The following PRPF6 variants were observed in gnomAD, a reference collection of about 807,000 sequenced individuals.
The protein encoded by PRPF6 is pre-mRNA-processing factor 6.
PRPF6 carries 42 observed loss-of-function variants against 118.3 expected under a neutral mutation model. The ratio of observed to expected loss-of-function variants is 0.35; its 90% CI spans 0.28 to 0.46. The LOEUF (loss-of-function observed/expected upper bound fraction) is 0.46, where lower values mean the gene tolerates loss of function less well. PRPF6 is among the 20% of genes least tolerant of loss of function. PRPF6 has a pLI of 1.00. For missense variants in PRPF6, 662 were observed against 1,255.7 expected, an observed-to-expected ratio of 0.53 and a Z score of 7.15; for synonymous variants, 481 against 485.1, an observed-to-expected ratio of 0.99 and a Z score of 0.11.
At chr20:64,003,874 A>C (rs1376640259) in intron 9 of PRPF6, among the ~76,000 whole-genome samples, 1 of 152,192 alleles carries the variant, frequency 6.6e-6, no homozygotes, top group Non-Finnish European at 1.5e-5. Flanking sequence ...CTGGGATTAC[A>C]GGCGTGAGCC....
At position 64,026,950 on chromosome 20, in the gene PRPF6, G is replaced by A. The variant is rs1217443560; in HGVS notation, c.2029-32G>A. 6.2e-7 allele frequency: 1 copy of A among 1,613,080 alleles called. No homozygotes were observed. The highest frequency in any genetic ancestry group is 8.5e-7 in the Non-Finnish European group (1 of 1,179,580). ...ATGAAGCACGTACCCTGGAGCTGAT[G>A]CCCTGCGTGACAGTGCATGTCTGCC... On this transcript the variant is annotated intron_variant, in intron 15 of 20. Coordinates refer to ENST00000266079, the MANE Select transcript of PRPF6 (RefSeq NM_012469.4). This position sits in a 1 kb window ranked among gnomAD's most constrained non-coding sequence, Gnocchi z 4.4.
At chr20:63,988,353 C>G (rs901967986) in intron 3 of PRPF6, among the ~76,000 whole-genome samples, 1 of 149,568 alleles carries the variant, frequency 6.7e-6, no homozygotes, top group South Asian at 2.1e-4. Context: ...AAAAATTAGC[C>G]GGGTGTGGGG....
intron 1 of PRPF6, among the ~76,000 whole-genome samples, chr20:63,981,968 C>G (rs1008660296): frequency 2.0e-5 from 3 of 151,736 alleles, no homozygotes; most frequent in African/African-American, 7.3e-5. Context: ...GCTGTAGAAA[C>G]GGTGACGATA....
In PRPF6 at chr20:64,011,666, A is replaced by C. The variant is rs2059217752; in HGVS notation, c.1524+163A>C. Among the ~76,000 whole-genome samples, 1 of 152,250 alleles carries C rather than the reference A, an allele frequency of 6.6e-6. No individual in the cohort carries two copies. The highest frequency in any genetic ancestry group is 6.5e-5 in the Admixed American group (1 of 15,286). On this transcript the variant is annotated intron_variant, in intron 11 of 20. Coordinates refer to ENST00000266079, the MANE Select transcript of PRPF6 (RefSeq NM_012469.4). This position sits in a 1 kb window ranked among gnomAD's most constrained non-coding sequence, Gnocchi z 6.7. ...GGCCCTGAGGGACCTGGGCATGCCC[A>C]CTGTCGCTCTTGATGGATTCAGGCC... is the stretch of plus-strand genomic sequence containing the variant.
chr20:64,016,939 CTTTTT>C, intron 12 of PRPF6, 94 bp downstream of exon 12: 4 of 1,285,724 alleles, frequency 3.1e-6, no homozygotes, highest in Non-Finnish European at 3.2e-6. Flanking sequence ...TTTTAAAACT[CTTTTT>C]TTTTTTTTTT....
In PRPF6 at chr20:64,026,849, G is replaced by A. The variant is rs549356519; in HGVS notation, c.2029-133G>A. 1 of 922,916 alleles carries A rather than the reference G, an allele frequency of 1.1e-6. No homozygotes were observed. The highest frequency in any genetic ancestry group is 1.4e-5 in the South Asian group (1 of 70,326). The allele number at this position is 922,916 out of a possible 1,614,324, so 57.2% of individuals were successfully genotyped here. On this transcript the variant is annotated intron_variant, in intron 15 of 20. Transcript: ENST00000266079. This position sits in a 1 kb window ranked among gnomAD's most constrained non-coding sequence, Gnocchi z 4.4. ...ACATATATTTATCCCCACCTTTTGT[G>A]TACACAAACAGGCTATGAAAAGCTT...
intron 9 of PRPF6, 60 bp from the exon 10 acceptor site, chr20:64,010,140 A>T (rs888827231): frequency 7.1e-7 from 1 of 1,411,682 alleles, no homozygotes; most frequent in Non-Finnish European, 1.0e-6. Flanking sequence ...TGCTCACCAC[A>T]TGAGCCTCCT....
At chr20:63,983,410 A>C (rs1464483774) in intron 2 of PRPF6, among the ~76,000 whole-genome samples, 195 bp downstream of exon 2, 1 of 152,058 alleles carries the variant, frequency 6.6e-6, no homozygotes, top group Non-Finnish European at 1.5e-5. Context: ...TTTGTCCCTC[A>C]GAAGAGATGT....
intron 2 of PRPF6, 126 bp downstream of exon 2, chr20:63,983,341 A>T (rs1317769636): frequency 6.6e-6 from 8 of 1,209,434 alleles, no homozygotes; most frequent in Non-Finnish European, 8.5e-6. Flanking sequence ...TTAGCTATTC[A>T]TGGAACATCT....
At chr20:64,021,407 T>C (rs1444490277) in intron 12 of PRPF6, among the ~76,000 whole-genome samples, 1 of 150,990 alleles carries the variant, frequency 6.6e-6, no homozygotes, top group Non-Finnish European at 1.5e-5. Flanking sequence ...GCCCTGTGTC[T>C]GTGTGTGCGT....
chr20:63,981,382 G>A (rs1403715198), intron 1 of PRPF6, 66 bp downstream of exon 1: 7 of 1,466,196 alleles, frequency 4.8e-6, no homozygotes, highest in Non-Finnish European at 6.5e-6. Context: ...TTTGGGGCGT[G>A]TTTGGGGGCG....
chr20:64,028,456 C>A lies in PRPF6; in HGVS notation c.2340-22C>A, dbSNP rs756996405. On this transcript the variant is annotated intron_variant, in intron 17 of 20. Transcript: ENST00000266079. This position sits in a 1 kb window ranked among gnomAD's most constrained non-coding sequence, Gnocchi z 6.5. ...TGCTGTTGGTAGACGGCTGTGGGAC[C>A]TCCGGGGGCCTGTCTCCTCAGGTTG... 30 of 1,613,372 alleles carry A rather than the reference C, an allele frequency of 1.9e-5. No homozygotes were observed. The highest frequency in any genetic ancestry group is 2.3e-5 in the Non-Finnish European group (27 of 1,179,752).
chr20:64,017,232 C>G (rs910901834), intron 12 of PRPF6, among the ~76,000 whole-genome samples: 2 of 151,396 alleles, frequency 1.3e-5, no homozygotes, highest in Non-Finnish European at 2.9e-5. Flanking sequence ...CGTGAGCCAC[C>G]GCGCCCGGCC....
rs150810982 is a variant in PRPF6 at position 63,992,511 on chromosome 20, C to T, written c.360-896C>T. ...ACCTCAGGTGATCTGCCCACCTCGGCCTCCCAAAGCGTTGGGATTACAGGT... is the reference window on the plus strand; with the variant it reads ...ACCTCAGGTGATCTGCCCACCTCGGTCTCCCAAAGCGTTGGGATTACAGGT... On this transcript the variant is annotated intron_variant, in intron 3 of 20. Transcript: ENST00000266079. Among the ~76,000 whole-genome samples the T allele has an allele frequency of 3.0e-3, 464 of 152,278 alleles. 3 individuals carry two copies. The highest frequency in any genetic ancestry group is 0.01 in the African/African-American group (426 of 41,552).
chr20:64,010,382 T>C (rs1185446492), intron 10 of PRPF6, 64 bp downstream of exon 10: 9 of 1,279,252 alleles, frequency 7.0e-6, no homozygotes, highest in Admixed American at 5.0e-5. Context: ...CCAGGTTCAG[T>C]GTCTGGAAGT....
intron 6 of PRPF6, among the ~76,000 whole-genome samples, chr20:63,997,884 C>T (rs960983238): frequency 2.6e-5 from 4 of 151,762 alleles, no homozygotes; most frequent in African/African-American, 4.8e-5. Flanking sequence ...CCAGCATGTT[C>T]TCAGTTTAAG....
chr20:64,024,160 G>C, intron 13 of PRPF6, among the ~76,000 whole-genome samples: 1 of 152,178 alleles, frequency 6.6e-6, no homozygotes, highest in East Asian at 1.9e-4. Context: ...GATGCCGGGA[G>C]AGTGAACCTG....
chr20:63,994,158 C>CTTTT (rs1158030989), intron 4 of PRPF6, among the ~76,000 whole-genome samples: 1 of 138,382 alleles, frequency 7.2e-6, no homozygotes, highest in Non-Finnish European at 1.6e-5. Context: ...TTTTCTTTTT[C>CTTTT]TTTTTTTTTT....
At chr20:64,006,892 C>T (rs1021908979) in intron 9 of PRPF6, among the ~76,000 whole-genome samples, 5 of 152,204 alleles carry the variant, frequency 3.3e-5, no homozygotes, top group Non-Finnish European at 7.3e-5. Flanking sequence ...CATATAGCTT[C>T]GTCTTCTGGC....
Sources: gnomAD v4.1 joint callset for allele counts (sites outside exome capture counted in the v4.1 genomes callset) on GRCh38, gnomAD v4.1.1 for gene constraint, Gnocchi (gnomAD v3.1) non-coding constraint, MANE v1.5 for transcripts, NCBI Gene and HGNC (gene_info 2026-07-23, HGNC 2026-07-21) for gene names.